The following COL10A1 variants were observed in gnomAD, a reference collection of about 807,000 sequenced individuals.
The protein encoded by COL10A1 is collagen type X alpha 1 chain, also known as collagen alpha-1(X) chain.
COL10A1 carries 10 observed loss-of-function variants against 18.2 expected under a neutral mutation model. That is an observed-to-expected ratio of 0.55 (90% CI 0.34 to 0.93). COL10A1 has a LOEUF of 0.93. COL10A1 is among the 40% of genes least tolerant of loss of function. The pLI is 0.02. For missense variants in COL10A1, 897 were observed against 853.5 expected (o/e 1.05, Z -0.64); for synonymous variants, 330 against 316.6 (o/e 1.04, Z -0.45).
chr6:116,172,612 G>A, the COL10A1 span, among the ~76,000 whole-genome samples: 5 of 151,934 alleles, frequency 3.3e-5, no homozygotes, highest in African/African-American at 1.2e-4. Flanking sequence ...GAGCCACCGC[G>A]CCAGGCCACA....
intron 1 of COL10A1, among the ~76,000 whole-genome samples, chr6:116,157,906 A>G (rs1054538942): frequency 7.9e-5 from 12 of 152,222 alleles, no homozygotes; most frequent in Non-Finnish European, 2.9e-5. Flanking sequence ...ATTGAAGTAC[A>G]GAAATAAAAT....
chr6:116,144,866 A>G (rs886527895), intron 1 of COL10A1, among the ~76,000 whole-genome samples: 2 of 152,214 alleles, frequency 1.3e-5, no homozygotes, highest in Non-Finnish European at 2.9e-5. Context: ...TGTTTGGCAC[A>G]TAGTTCAAAA....
chr6:116,187,917 A>G, the COL10A1 span, among the ~76,000 whole-genome samples: 106 of 152,186 alleles, frequency 7.0e-4, no homozygotes, highest in African/African-American at 2.5e-3. Context: ...ACGAAAGGGC[A>G]AGTTATAGAA....
chr6:116,194,869 G>C, the COL10A1 span, among the ~76,000 whole-genome samples: 1 of 151,848 alleles, frequency 6.6e-6, no homozygotes, highest in Non-Finnish European at 1.5e-5. Flanking sequence ...TATTTTTATG[G>C]TTTACATTAT....
Position 116,121,819 on chromosome 6 carries a change from T to G in COL10A1, c.297A>C (p.Pro99=). The part of the protein sequence containing the change: ...GLQGEPGLPG[P]PGPSAVGKPG... ...GTTTCCCTACAGCTGATGGTCCCGG[T>G]GGTCCTGGCAACCCTGGCTCTCCTT... Residue 99 remains proline (P), a synonymous_variant, in exon 3 of 3, where the codon CCA becomes CCC. Coordinates refer to ENST00000651968, the MANE Select transcript of COL10A1 (RefSeq NM_000493.4). The G allele has an allele frequency of 6.2e-7, 1 of 1,613,956 alleles. No individual in the cohort carries two copies. Among genetic ancestry groups the G allele is most frequent in the Non-Finnish European group, 8.5e-7 (1 of 1,179,966 alleles).
In COL10A1 at chr6:116,119,963, A is replaced by C; in HGVS notation, c.*110T>G. 1 of 1,051,896 alleles carries C rather than the reference A, an allele frequency of 9.5e-7. No homozygotes were observed. Among genetic ancestry groups the C allele is most frequent in the Non-Finnish European group, 1.5e-6 (1 of 684,614 alleles). The allele number at this position is 1,051,896 out of a possible 1,614,324, so 65.2% of individuals were successfully genotyped here. A position where few individuals can be genotyped will look rare whatever the true frequency, so the allele number is the denominator to read the frequency against. ...CTGATAGCTCAAATCTGTATTTCAG[A>C]AAATAAAAATTACATTCTTTTCAGC... On this transcript the variant is annotated 3_prime_UTR_variant, in exon 3 of 3. Transcript: ENST00000651968.
chr6:116,182,339 C>T, the COL10A1 span, among the ~76,000 whole-genome samples: 1 of 151,798 alleles, frequency 6.6e-6, no homozygotes. Flanking sequence ...AATTGTGCTG[C>T]TATAAATGTG....
upstream of COL10A1, among the ~76,000 whole-genome samples, chr6:116,159,223 T>G (rs1780274770): frequency 6.6e-6 from 1 of 152,188 alleles, no homozygotes; most frequent in African/African-American, 2.4e-5. Flanking sequence ...TTTTATGGAT[T>G]TTTATTCTGC....
the COL10A1 span, among the ~76,000 whole-genome samples, chr6:116,215,641 G>A: frequency 1.3e-5 from 2 of 152,178 alleles, no homozygotes; most frequent in African/African-American, 2.4e-5. Flanking sequence ...CCACATTTAC[G>A]TTGTCTGTCC....
chr6:116,133,264 A>G (rs895520207), intron 1 of COL10A1, among the ~76,000 whole-genome samples: 9 of 152,204 alleles, frequency 5.9e-5, no homozygotes, highest in African/African-American at 1.9e-4. Context: ...TGGGTTCTCA[A>G]CCATTCACAC....
the COL10A1 span, among the ~76,000 whole-genome samples, chr6:116,179,798 C>T: frequency 1.3e-5 from 2 of 152,046 alleles, no homozygotes; most frequent in Non-Finnish European, 2.9e-5. Context: ...CTGAGGATAA[C>T]TTAGAGTAAT....
chr6:116,129,329 C>T (rs1044813167), upstream of COL10A1, among the ~76,000 whole-genome samples: 5 of 152,080 alleles, frequency 3.3e-5, no homozygotes, highest in African/African-American at 4.8e-5. Context: ...TAGGTTGATT[C>T]ATATATCCCT....
the COL10A1 span, among the ~76,000 whole-genome samples, chr6:116,188,672 A>G: frequency 6.6e-6 from 1 of 151,590 alleles, no homozygotes; most frequent in Non-Finnish European, 1.5e-5. Context: ...CAAGGGTGGT[A>G]TCAGAGGACT....
At chr6:116,152,604 T>A (rs899707872) in intron 1 of COL10A1, among the ~76,000 whole-genome samples, 1 of 152,136 alleles carries the variant, frequency 6.6e-6, no homozygotes, top group Admixed American at 6.6e-5. Flanking sequence ...CTTTACCAGG[T>A]CTTTATTTAA....
chr6:116,120,956 T>A lies in COL10A1; in HGVS notation c.1160A>T (p.Lys387Ile), dbSNP rs761679947. The A allele has an allele frequency of 2.1e-5, 34 of 1,613,440 alleles. No individual in the cohort carries two copies. The highest frequency in any genetic ancestry group is 2.9e-5 in the Non-Finnish European group (34 of 1,179,778). The change falls in exon 3 of 3, where the codon AAA (lysine) becomes ATA (isoleucine). Residue 387 changes from lysine (K) to isoleucine (I), a missense_variant. Transcript: ENST00000651968. ...ACCTGGTTTTCCTGGGTACCCTGGT[T>A]TTCCATCTGACCCAGGGGAACCCCT... ...GERGSPGSDG[K>I]PGYPGKPGLD...
chr6:116,177,228 TTA>T, the COL10A1 span, among the ~76,000 whole-genome samples: 4 of 152,202 alleles, frequency 2.6e-5, no homozygotes, highest in Non-Finnish European at 5.9e-5. Context: ...GTCTCATAGA[TTA>T]TGTTTCTTTG....
chr6:116,211,895 A>G, the COL10A1 span, among the ~76,000 whole-genome samples: 1 of 152,012 alleles, frequency 6.6e-6, no homozygotes, highest in South Asian at 2.1e-4. Context: ...ATCCCCCAAC[A>G]CACACAACAC....
At chr6:116,153,034 AAAG>A (rs1780088705) in intron 1 of COL10A1, among the ~76,000 whole-genome samples, 2 of 152,172 alleles carry the variant, frequency 1.3e-5, no homozygotes, top group African/African-American at 4.8e-5. Context: ...TGTTTTTTGA[AAAG>A]AAGTAAAATC....
Position 116,120,703 on chromosome 6 carries a change from A to C in COL10A1, c.1413T>G (p.Ser471Arg), listed in dbSNP as rs1161309617. 6.4e-7 allele frequency: 1 copy of C among 1,556,982 alleles called. No individual in the cohort carries two copies. The highest frequency in any genetic ancestry group is 8.6e-7 in the Non-Finnish European group (1 of 1,157,824). The change falls in exon 3 of 3, where the codon AGT becomes AGG. Residue 471 changes from serine to arginine, a missense_variant. Physicochemically the swap from Ser to Arg is moderately radical, Grantham distance 110 (BLOSUM62 -1). Coordinates refer to ENST00000651968, the MANE Select transcript of COL10A1 (RefSeq NM_000493.4). ...GFPGSKGDPG[S>R]PGPPGPAGIA... ...TGCCAGCTGGGCCAGGAGGACCGGG[A>C]CTTCCTGGATCCCCTTTAGACCCAG...
Sources: allele counts gnomAD v4.1 joint callset (sites outside exome capture counted in the v4.1 genomes callset), GRCh38; gene constraint gnomAD v4.1.1; transcripts MANE v1.5; gene names NCBI Gene and HGNC (gene_info 2026-07-23, HGNC 2026-07-21).